Variants in MALRD1 observed in about 807,000 individuals in gnomAD.
MALRD1 encodes the protein MAM and LDL receptor class A domain containing 1.
In MALRD1, 247 loss-of-function variants were observed where a neutral mutation model predicts 242.1. That is an observed-to-expected ratio of 1.02 (90% CI 0.92 to 1.13). MALRD1 has a LOEUF of 1.13. Among genes scored for constraint, MALRD1 ranks in the 50% most tolerant of loss-of-function variants. The probability of loss-of-function intolerance (pLI) is 0.00; values close to 1 mark genes in which losing one functional copy is unlikely to be tolerated. For synonymous variants in MALRD1, 995 were observed against 866.6 expected (o/e 1.15, Z -2.60); for missense variants, 2,989 against 2,533.1 (o/e 1.18, Z -3.86).
intron 38 of MALRD1, among the ~76,000 whole-genome samples, chr10:19,719,215 C>A (rs374277938): frequency 1.2e-5 from 1 of 84,292 alleles, no homozygotes; most frequent in Non-Finnish European, 2.2e-5. Flanking sequence ...TATATATACA[C>A]ATACATACAT....
At chr10:19,243,015 C>G (rs899610299) in intron 18 of MALRD1, among the ~76,000 whole-genome samples, 1 of 148,608 alleles carries the variant, frequency 6.7e-6, no homozygotes, top group African/African-American at 2.5e-5. Flanking sequence ...TATTGTTTAT[C>G]TTTCTAGTTT....
intron 14 of MALRD1, among the ~76,000 whole-genome samples, chr10:19,178,785 G>A (rs1295975362): frequency 2.0e-5 from 3 of 152,162 alleles, no homozygotes; most frequent in Non-Finnish European, 4.4e-5. Flanking sequence ...AGGAAGATAC[G>A]CGATTTTCCA....
Position 19,718,471 on chromosome 10 carries a change from A to T in MALRD1, c.6315-12235A>T, listed in dbSNP as rs375057774. Among the ~76,000 whole-genome samples the T allele has an allele frequency of 9.0e-4, 137 of 152,232 alleles. No homozygotes were observed. In the Middle Eastern group the frequency reaches 0.017, roughly 19 times the overall value. On this transcript the variant is annotated intron_variant, in intron 38 of 39. Coordinates refer to ENST00000454679, the MANE Select transcript of MALRD1 (RefSeq NM_001142308.3). ...GGTCCCACACACTTTTAAACAACCA[A>T]ATCACATGAACTCAACGCAAGAACT...
chr10:19,676,202 T>C (rs931263099), intron 36 of MALRD1, among the ~76,000 whole-genome samples: 4 of 152,128 alleles, frequency 2.6e-5, no homozygotes, highest in South Asian at 2.1e-4. Flanking sequence ...AACCACCTCA[T>C]AGGGACAAGA....
At chr10:19,498,402 A>C in intron 30 of MALRD1, 83 bp from the exon 31 acceptor site, 1 of 1,225,580 alleles carries the variant, frequency 8.2e-7, no homozygotes, top group South Asian at 1.6e-5. Context: ...TGCAGATACT[A>C]ATTTTAAATG....
chr10:19,341,602 A>C (rs1209760952), intron 24 of MALRD1, among the ~76,000 whole-genome samples: 1 of 151,274 alleles, frequency 6.6e-6, no homozygotes, highest in African/African-American at 2.4e-5. Flanking sequence ...ACACACACAG[A>C]TATTACAGTG....
At position 19,056,322 on chromosome 10, in the gene MALRD1, A is replaced by T. The variant is rs570705112; in HGVS notation, c.199+7185A>T. Among the ~76,000 whole-genome samples, 7 of 151,914 alleles carry T rather than the reference A, an allele frequency of 4.6e-5. No individual in the cohort carries two copies. The East Asian group carries it at 1.4e-3, about 30-fold the overall frequency. On this transcript the variant is annotated intron_variant, in intron 1 of 39. Coordinates refer to ENST00000454679, the MANE Select transcript of MALRD1 (RefSeq NM_001142308.3). ...CAATATTAATTTTTTAAGTCCATGA[A>T]TATGGAATACATTTTCATGTAATTG... is the stretch of plus-strand genomic sequence containing the variant.
At chr10:19,637,510 G>C (rs925491384) in intron 36 of MALRD1, among the ~76,000 whole-genome samples, 14 of 152,286 alleles carry the variant, frequency 9.2e-5, no homozygotes, top group African/African-American at 3.4e-4. Flanking sequence ...GATAAAACTG[G>C]ATACCATGTT....
chr10:19,576,964 G>GTTTTTTTTTTTTTTTTTT (rs11331552), intron 33 of MALRD1, among the ~76,000 whole-genome samples: 1 of 123,414 alleles, frequency 8.1e-6, no homozygotes. Context: ...CCACATTGTC[G>GTTTTTTTTTTTTTTTTTT]TTTTTTTTTT....
chr10:19,725,466 A>C (rs1404480840), intron 38 of MALRD1, among the ~76,000 whole-genome samples: 5 of 152,096 alleles, frequency 3.3e-5, no homozygotes, highest in Non-Finnish European at 7.3e-5. Flanking sequence ...AGTCAATTAA[A>C]CCTCTTTCCT....
intron 24 of MALRD1, among the ~76,000 whole-genome samples, chr10:19,345,688 C>T (rs954211545): frequency 9.2e-5 from 14 of 151,962 alleles, no homozygotes; most frequent in African/African-American, 3.1e-4. Flanking sequence ...TCCTTGAAGA[C>T]ATTACAAATT....
At chr10:19,316,709 G>A (rs576799127) in intron 21 of MALRD1, among the ~76,000 whole-genome samples, 52 of 151,864 alleles carry the variant, frequency 3.4e-4, no homozygotes, top group African/African-American at 1.2e-3. Context: ...CTATTTGTGG[G>A]ATCTGGACAT....
intron 21 of MALRD1, among the ~76,000 whole-genome samples, chr10:19,284,222 T>G (rs937582320): frequency 5.9e-5 from 9 of 151,970 alleles, no homozygotes; most frequent in Non-Finnish European, 1.3e-4. Flanking sequence ...TCTAGTGTTG[T>G]AAGCATGTTT....
At chr10:19,532,512 C>T (rs1028596460) in intron 32 of MALRD1, among the ~76,000 whole-genome samples, 3 of 152,104 alleles carry the variant, frequency 2.0e-5, no homozygotes, top group African/African-American at 7.2e-5. Context: ...CCTCAGCCTC[C>T]CAGGGTGCTG....
chr10:19,446,444 A>T (rs1317399298), intron 28 of MALRD1, among the ~76,000 whole-genome samples: 1 of 152,204 alleles, frequency 6.6e-6, no homozygotes, highest in Non-Finnish European at 1.5e-5. Flanking sequence ...TAAATGGTTT[A>T]AAAAAATGGC....
chr10:19,295,680 C>G (rs956180979), intron 21 of MALRD1, among the ~76,000 whole-genome samples: 1 of 152,108 alleles, frequency 6.6e-6, no homozygotes, highest in Non-Finnish European at 1.5e-5. Flanking sequence ...AAGGAAGGAT[C>G]TTTCATGTGT....
At chr10:19,620,364 T>C (rs1451993509) in intron 36 of MALRD1, among the ~76,000 whole-genome samples, 2 of 152,012 alleles carry the variant, frequency 1.3e-5, no homozygotes, top group African/African-American at 4.8e-5. Flanking sequence ...TTCCCTTCTT[T>C]GTGTCCAAGT....
chr10:19,143,564 C>G (rs1833621632), intron 10 of MALRD1, among the ~76,000 whole-genome samples: 1 of 152,148 alleles, frequency 6.6e-6, no homozygotes, highest in African/African-American at 2.4e-5. Context: ...AATTATTATA[C>G]TAGGACAACA....
chr10:19,329,632 A>G (rs893035829), intron 23 of MALRD1, among the ~76,000 whole-genome samples: 3 of 152,198 alleles, frequency 2.0e-5, no homozygotes, highest in African/African-American at 7.2e-5. Context: ...TGTTCTAGTT[A>G]TGTAACTACA....
Sources: allele counts gnomAD v4.1 joint callset (sites outside exome capture counted in the v4.1 genomes callset), GRCh38; gene constraint gnomAD v4.1.1; transcripts MANE v1.5; gene names NCBI Gene and HGNC (gene_info 2026-07-23, HGNC 2026-07-21).